Variants in PTPN6 observed in about 807,000 individuals in gnomAD.
PTPN6 encodes protein tyrosine phosphatase non-receptor type 6.
Under a neutral mutation model 81.5 loss-of-function variants are expected in PTPN6, and 18 were observed. That is an observed-to-expected ratio of 0.22 (90% CI 0.15 to 0.33). The LOEUF is 0.33. Ranked by LOEUF, PTPN6 falls within the 10% of genes least tolerant of loss-of-function variation. PTPN6 has a pLI of 1.00. For synonymous variants in PTPN6, 301 were observed against 310.9 expected (o/e 0.97, Z 0.33); for missense variants, 500 against 794.2 (o/e 0.63, Z 4.45).
Position 6,957,621 on chromosome 12 carries a change from G to T in PTPN6, c.1075-33G>T. The T allele has an allele frequency of 1.2e-6, 2 of 1,608,412 alleles. No homozygotes were observed. The highest frequency in any genetic ancestry group is 1.7e-6 in the Non-Finnish European group (2 of 1,177,912). On this transcript the variant is annotated intron_variant, in intron 9 of 15. Transcript: ENST00000318974. The surrounding 1 kb of genome is among the most constrained non-coding windows in gnomAD (Gnocchi z 6.5). ...GGGATGGGCCACAGTGCCCTGCTCT[G>T]TGCCTCATCCCCACCCGACCCTCCC...
rs1945981951 is a variant in PTPN6 at position 6,954,333 on chromosome 12, A to G, written c.327-472A>G. ...TTGCCTCTGGTCTCTGCTGGGGCAC[A>G]GTCCCATCCTTCACGGAGATTCATC... On this transcript the variant is annotated intron_variant, in intron 3 of 15. Transcript: ENST00000318974. This position sits in a 1 kb window ranked among gnomAD's most constrained non-coding sequence, Gnocchi z 5.4. Among the ~76,000 whole-genome samples the G allele has an allele frequency of 6.6e-6, 1 of 152,188 alleles. No homozygotes were observed. Among genetic ancestry groups the G allele is most frequent in the Non-Finnish European group, 1.5e-5 (1 of 68,048 alleles).
chr12:6,947,250 C>G (rs1248641760), upstream of PTPN6, among the ~76,000 whole-genome samples: 1 of 152,202 alleles, frequency 6.6e-6, no homozygotes, highest in African/African-American at 2.4e-5. Flanking sequence ...GCTGGTAATA[C>G]TGGAGTGAAC....
chr12:6,946,678 C>G (rs781921075), upstream of PTPN6: 2 of 1,558,618 alleles, frequency 1.3e-6, no homozygotes, highest in Non-Finnish European at 1.8e-6. Context: ...CTGGCTCAGC[C>G]CCGCCCCCTG....
Position 6,960,987 on chromosome 12 carries a change from T to G in PTPN6, c.*25+42T>G. ...TGGGTGTCCTCCCTGCCCTGCCCTGTGTCCTTGGCTCCACTGCCTTCCCTG... is the reference window on the plus strand; with the variant it reads ...TGGGTGTCCTCCCTGCCCTGCCCTGGGTCCTTGGCTCCACTGCCTTCCCTG... On this transcript the variant is annotated intron_variant, in intron 15 of 15. Coordinates refer to ENST00000318974, the MANE Select transcript of PTPN6 (RefSeq NM_002831.6). This position sits in a 1 kb window ranked among gnomAD's most constrained non-coding sequence, Gnocchi z 6.1. The G allele has an allele frequency of 6.5e-7, 1 of 1,549,698 alleles. No homozygotes were observed. Among genetic ancestry groups the G allele is most frequent in the Non-Finnish European group, 8.7e-7 (1 of 1,146,974 alleles).
In PTPN6 at chr12:6,959,763, G is replaced by T. The variant is rs1047947632; in HGVS notation, c.1362-164G>T. The T allele has an allele frequency of 3.7e-5, 28 of 757,550 alleles. 1 individual carries two copies. In the South Asian group the frequency reaches 4.3e-4, roughly 12 times the overall value. The allele number at this position is 757,550 out of a possible 1,614,324, so 46.9% of individuals were successfully genotyped here. A position where few individuals can be genotyped will look rare whatever the true frequency, so the allele number is the denominator to read the frequency against. On this transcript the variant is annotated intron_variant, in intron 11 of 15. Transcript: ENST00000318974. The surrounding 1 kb of genome is among the most constrained non-coding windows in gnomAD (Gnocchi z 6.6). ...GTGGAGCGTGTCCATGCAGAGCTGGGCAAACCTCCATCATCACTTGCCCGG... is the reference window on the plus strand; with the variant it reads ...GTGGAGCGTGTCCATGCAGAGCTGGTCAAACCTCCATCATCACTTGCCCGG...
chr12:6,956,254 T>G lies in PTPN6; in HGVS notation c.924+33T>G. 1 of 1,612,164 alleles carries G rather than the reference T, an allele frequency of 6.2e-7. No homozygotes were observed. Among genetic ancestry groups the G allele is most frequent in the Non-Finnish European group, 8.5e-7 (1 of 1,178,234 alleles). On this transcript the variant is annotated intron_variant, in intron 8 of 15. Coordinates refer to ENST00000318974, the MANE Select transcript of PTPN6 (RefSeq NM_002831.6). The surrounding 1 kb of genome is among the most constrained non-coding windows in gnomAD (Gnocchi z 4.1). ...GTGTGGGCCACGTGGGAGGAGAGGC[T>G]GGGCCCTGGGAATTCCCTGTCTGGT...
upstream of PTPN6, among the ~76,000 whole-genome samples, chr12:6,949,778 C>G (rs1555147414): frequency 1.3e-5 from 2 of 151,018 alleles, no homozygotes; most frequent in Non-Finnish European, 2.9e-5. Flanking sequence ...GACTGCCTAT[C>G]TTCTTGTATC....
upstream of PTPN6, chr12:6,951,139 ATG>A (rs1565579369): frequency 6.0e-6 from 6 of 1,002,778 alleles, no homozygotes; most frequent in African/African-American, 1.0e-4. The surrounding 1 kb of genome is among the most constrained non-coding windows in gnomAD (Gnocchi z 7.2). Context: ...CAAGGCACAC[ATG>A]TGTCCTTACT....
Position 6,959,653 on chromosome 12 carries a change from C to G in PTPN6, c.1362-274C>G, listed in dbSNP as rs1555149353. The G allele has an allele frequency of 5.2e-6, 3 of 579,490 alleles. No individual in the cohort carries two copies. Among genetic ancestry groups the G allele is most frequent in the Non-Finnish European group, 9.3e-6 (3 of 323,430 alleles). 35.9% of individuals were successfully genotyped at this position (579,490 alleles called of 1,614,324 possible). ...CTTCCGGGGTGGGGGCAGCCACTCA[C>G]TAGGAGTGAGGAGTCGGCGCGAGGA... is the stretch of plus-strand genomic sequence containing the variant. On this transcript the variant is annotated intron_variant, in intron 11 of 15. Transcript: ENST00000318974. The surrounding 1 kb of genome is among the most constrained non-coding windows in gnomAD (Gnocchi z 6.6).
Position 6,956,310 on chromosome 12 carries a change from C to T in PTPN6, c.924+89C>T. On this transcript the variant is annotated intron_variant, in intron 8 of 15. Coordinates refer to ENST00000318974, the MANE Select transcript of PTPN6 (RefSeq NM_002831.6). This position sits in a 1 kb window ranked among gnomAD's most constrained non-coding sequence, Gnocchi z 4.1. The stretch of plus-strand genomic sequence containing the variant: ...GACCCTAGATCCAGAGACAGCTGGG[C>T]AAAGCCGAAGCTGGCTTCTTGCATG... 5 of 1,609,158 alleles carry T rather than the reference C, an allele frequency of 3.1e-6. No homozygotes were observed. Among genetic ancestry groups the T allele is most frequent in the Non-Finnish European group, 3.4e-6 (4 of 1,175,516 alleles).
Position 6,960,745 on chromosome 12 carries a change from C to A in PTPN6, c.1674-61C>A. ...GAGGGGACTGCCAGTGCCGGGTCCC[C>A]CTGTGCTGTCTCCTGACCTGCACCA... On this transcript the variant is annotated intron_variant, in intron 14 of 15. Transcript: ENST00000318974. The surrounding 1 kb of genome is among the most constrained non-coding windows in gnomAD (Gnocchi z 6.1). The A allele has an allele frequency of 6.4e-7, 1 of 1,551,712 alleles. No homozygotes were observed. Among genetic ancestry groups the A allele is most frequent in the Non-Finnish European group, 8.7e-7 (1 of 1,147,050 alleles).
chr12:6,960,038 C>T lies in PTPN6; in HGVS notation c.1429+44C>T, dbSNP rs1565585028. 1 of 1,612,678 alleles carries T rather than the reference C, an allele frequency of 6.2e-7. No individual in the cohort carries two copies. The highest frequency in any genetic ancestry group is 8.5e-7 in the Non-Finnish European group (1 of 1,179,870). On this transcript the variant is annotated intron_variant, in intron 12 of 15. Transcript: ENST00000318974. The surrounding 1 kb of genome is among the most constrained non-coding windows in gnomAD (Gnocchi z 6.1). ...TTTGGGGGTGGGGGGTGAGCAGCCC[C>T]TCGGTGTCCGCCTATGCCTGGACCT... is the stretch of plus-strand genomic sequence containing the variant.
chr12:6,951,542 T>C lies in PTPN6; in HGVS notation c.8+22T>C. 1.9e-6 allele frequency: 3 copies of C among 1,613,928 alleles called. No individual in the cohort carries two copies. Among genetic ancestry groups the C allele is most frequent in the African/African-American group, 1.3e-5 (1 of 74,990 alleles). On this transcript the variant is annotated intron_variant, in intron 1 of 15. Coordinates refer to ENST00000318974, the MANE Select transcript of PTPN6 (RefSeq NM_002831.6). The surrounding 1 kb of genome is among the most constrained non-coding windows in gnomAD (Gnocchi z 7.2). ...TGAGGTAAGGGCCTGCCACCCACGG[T>C]AGACAGGAGGCAAGGGTGCCTGGTG...
upstream of PTPN6, chr12:6,946,678 C>T (rs781921075): frequency 7.1e-6 from 11 of 1,558,500 alleles, no homozygotes; most frequent in African/African-American, 1.4e-5. Flanking sequence ...CTGGCTCAGC[C>T]CCGCCCCCTG....
At chr12:6,958,622 T>G (rs1427989861) in intron 11 of PTPN6, among the ~76,000 whole-genome samples, 1 of 152,226 alleles carries the variant, frequency 6.6e-6, no homozygotes, top group African/African-American at 2.4e-5. Flanking sequence ...TGGGTGATGC[T>G]TCTTTGGGGC....
In PTPN6 at chr12:6,960,144, T is replaced by A; in HGVS notation, c.1486T>A (p.Ser496Thr). The A allele has an allele frequency of 6.2e-7, 1 of 1,613,548 alleles. No homozygotes were observed. The highest frequency in any genetic ancestry group is 8.5e-7 in the Non-Finnish European group (1 of 1,179,980). Residue 496 changes from serine to threonine, a missense_variant, in exon 13 of 16, where the codon TCG becomes ACG. Coordinates refer to ENST00000318974, the MANE Select transcript of PTPN6 (RefSeq NM_002831.6). This position sits in a 1 kb window ranked among gnomAD's most constrained non-coding sequence, Gnocchi z 6.1. ...KTIQMVRAQR[S>T]GMVQTEAQYK... ...CATCCAGATGGTGCGGGCGCAGCGCTCGGGCATGGTGCAGACGGAGGCGCA... is the reference window on the plus strand; with the variant it reads ...CATCCAGATGGTGCGGGCGCAGCGCACGGGCATGGTGCAGACGGAGGCGCA...
Position 6,956,583 on chromosome 12 carries a change from C to G in PTPN6, c.1074+15C>G, listed in dbSNP as rs375757194. On this transcript the variant is annotated intron_variant, in intron 9 of 15. Coordinates refer to ENST00000318974, the MANE Select transcript of PTPN6 (RefSeq NM_002831.6). The surrounding 1 kb of genome is among the most constrained non-coding windows in gnomAD (Gnocchi z 4.1). ...AGAAAGGCCGGGTAGGGCGCCCCCC[C>G]TTCCCCGCATCCGCCCCCGTGCTTG... is the stretch of plus-strand genomic sequence containing the variant. 5 of 1,613,100 alleles carry G rather than the reference C, an allele frequency of 3.1e-6. No individual in the cohort carries two copies. The highest frequency in any genetic ancestry group is 3.4e-4 in the Middle Eastern group (2 of 5,924).
chr12:6,954,667 G>T lies in PTPN6; in HGVS notation c.327-138G>T. 1.3e-6 allele frequency: 1 copy of T among 788,132 alleles called. No individual in the cohort carries two copies. Among genetic ancestry groups the T allele is most frequent in the Non-Finnish European group, 2.1e-6 (1 of 484,158 alleles). 48.8% of individuals were successfully genotyped at this position (788,132 alleles called of 1,614,324 possible). A position where few individuals can be genotyped will look rare whatever the true frequency, so the allele number is the denominator to read the frequency against. On this transcript the variant is annotated intron_variant, in intron 3 of 15. Transcript: ENST00000318974. The surrounding 1 kb of genome is among the most constrained non-coding windows in gnomAD (Gnocchi z 5.4). ...CATGTTTGTGAGAGACCTAAATGAGGTGGTGGATTTGGAAGCATGTAGCGC... is the reference window on the plus strand; with the variant it reads ...CATGTTTGTGAGAGACCTAAATGAGTTGGTGGATTTGGAAGCATGTAGCGC...
chr12:6,958,521 A>T, intron 11 of PTPN6, among the ~76,000 whole-genome samples: 1 of 152,238 alleles, frequency 6.6e-6, no homozygotes, highest in East Asian at 1.9e-4. Context: ...TTCCATCGGT[A>T]GCCGCAGGGC....
Sources: gnomAD v4.1 joint callset for allele counts (sites outside exome capture counted in the v4.1 genomes callset) on GRCh38, gnomAD v4.1.1 for gene constraint, Gnocchi (gnomAD v3.1) non-coding constraint, MANE v1.5 for transcripts, NCBI Gene and HGNC (gene_info 2026-07-23, HGNC 2026-07-21) for gene names.